Variants in ALKBH1 observed in about 807,000 individuals in gnomAD.
ALKBH1 encodes alkB homolog 1, histone H2A dioxygenase.
Under a neutral mutation model 36.6 loss-of-function variants are expected in ALKBH1, and 31 were observed. The observed-to-expected ratio is 0.85, with a 90% confidence interval of 0.64 to 1.14. The LOEUF (loss-of-function observed/expected upper bound fraction) is 1.14, where lower values mean the gene tolerates loss of function less well. ALKBH1 is among the 50% of genes most tolerant of loss of function. ALKBH1 has a pLI of 0.00. For missense variants in ALKBH1, 490 were observed against 497.3 expected (o/e 0.99, Z 0.14); for synonymous variants, 183 against 186.6 (o/e 0.98, Z 0.16).
chr14:77,676,621 A>G (rs4903628), intron 4 of ALKBH1, among the ~76,000 whole-genome samples: 18,762 of 152,232 alleles, frequency 0.12, 1,495 homozygotes, highest in African/African-American at 0.22. Flanking sequence ...TACAAATGCT[A>G]TTACAGTAAT....
At chr14:77,675,270 T>TA (rs199714479) in intron 5 of ALKBH1, among the ~76,000 whole-genome samples, 316 of 140,852 alleles carry the variant, frequency 2.2e-3, no homozygotes, top group Non-Finnish European at 3.1e-3. Flanking sequence ...CCATCTCTAC[T>TA]AAAAAAAAAA....
At chr14:77,679,774 C>A in intron 4 of ALKBH1, 106 bp downstream of exon 4, 1 of 870,140 alleles carries the variant, frequency 1.1e-6, no homozygotes, top group Non-Finnish European at 1.8e-6. Flanking sequence ...GATCCTCCCA[C>A]AAATGTATAA....
intron 3 of ALKBH1, chr14:77,683,484 G>C (rs1002544945): frequency 1.4e-6 from 1 of 710,628 alleles, no homozygotes; most frequent in East Asian, 2.6e-5. Flanking sequence ...GGGGAACACT[G>C]TAGACTCTTC....
At chr14:77,687,842 A>T (rs953049798) in intron 3 of ALKBH1, among the ~76,000 whole-genome samples, 1 of 152,132 alleles carries the variant, frequency 6.6e-6, no homozygotes, top group Non-Finnish European at 1.5e-5. Context: ...GAAAAGTGAA[A>T]AGAAGAGAAG....
intron 3 of ALKBH1, 59 bp downstream of exon 3, chr14:77,694,679 A>T: frequency 5.1e-6 from 7 of 1,359,544 alleles, no homozygotes; most frequent in Non-Finnish European, 6.7e-6. Context: ...CAGTTCCTTC[A>T]AAGACCTGTG....
chr14:77,692,616 G>A (rs1042100229), intron 3 of ALKBH1, among the ~76,000 whole-genome samples: 11 of 152,036 alleles, frequency 7.2e-5, no homozygotes, highest in Non-Finnish European at 1.2e-4. Context: ...GGACCCCCCT[G>A]CTCTACATCA....
rs200834921 is a variant in ALKBH1, at chr14:77,704,449, G to C, written c.212C>G (p.Ser71Cys). Reference sequence around the variant, plus strand: ...TCTATATGCATTCTGCTCACTGACAGAAGACACATTTAGCTGAGATTTGAT... The same window carrying C: ...TCTATATGCATTCTGCTCACTGACACAAGACACATTTAGCTGAGATTTGAT... ...KVIKSQLNVS[S>C]VSEQNAYRAG... Residue 71 changes from serine to cysteine, a missense_variant, in exon 2 of 6, where the codon TCT (serine) becomes TGT (cysteine). Ser to Cys is a moderately radical substitution (Grantham distance 112, BLOSUM62 -1). Transcript: ENST00000216489. The C allele has an allele frequency of 3.9e-5, 63 of 1,614,122 alleles. No individual in the cohort carries two copies. In the East Asian group the frequency reaches 1.2e-3, roughly 30 times the overall value.
At chr14:77,697,553 A>T (rs550118243) in intron 2 of ALKBH1, among the ~76,000 whole-genome samples, 167 of 152,192 alleles carry the variant, frequency 1.1e-3, no homozygotes, top group Middle Eastern at 3.4e-3. Flanking sequence ...CTCCAGTCTT[A>T]ATCTCCAGCA....
chr14:77,677,188 T>C (rs2080210993), intron 4 of ALKBH1, among the ~76,000 whole-genome samples: 1 of 152,090 alleles, frequency 6.6e-6, no homozygotes. Context: ...TACAGGTGCC[T>C]GCCACCATGC....
intron 4 of ALKBH1, among the ~76,000 whole-genome samples, chr14:77,677,899 T>C (rs1595047266): frequency 6.6e-6 from 1 of 152,108 alleles, no homozygotes; most frequent in East Asian, 1.9e-4. Context: ...ATAATCACCC[T>C]TTTGGGCTTT....
intron 2 of ALKBH1, among the ~76,000 whole-genome samples, chr14:77,702,278 G>A (rs937108459): frequency 3.9e-5 from 6 of 152,134 alleles, no homozygotes; most frequent in African/African-American, 1.2e-4. Flanking sequence ...TCCAGCCTAG[G>A]CGACAGAGCA....
chr14:77,684,411 G>T (rs540584579), intron 3 of ALKBH1, among the ~76,000 whole-genome samples: 5 of 151,946 alleles, frequency 3.3e-5, no homozygotes, highest in African/African-American at 1.2e-4. Context: ...GCCCAAGCTG[G>T]AGTGCAATGG....
intron 3 of ALKBH1, among the ~76,000 whole-genome samples, chr14:77,693,360 C>T (rs1201684724): frequency 6.6e-6 from 1 of 152,046 alleles, no homozygotes; most frequent in Non-Finnish European, 1.5e-5. Flanking sequence ...CAAATTGTAT[C>T]TAATTATCTG....
rs141673795 is a variant in ALKBH1 at position 77,678,412 on chromosome 14, G to C, written c.546+1468C>G. Among the ~76,000 whole-genome samples, 1,151 of 152,264 alleles carry C rather than the reference G, an allele frequency of 7.6e-3. 15 individuals are homozygous for C. The highest frequency in any genetic ancestry group is 0.026 in the African/African-American group (1,085 of 41,542). On this transcript the variant is annotated intron_variant, in intron 4 of 5. Coordinates refer to ENST00000216489, the MANE Select transcript of ALKBH1 (RefSeq NM_006020.3). ...TTAATGTATCTAAGTTGGGTTGGCTGAAACTGTGGAGCTTTTAGAAAGTAA... is the reference window on the plus strand; with the variant it reads ...TTAATGTATCTAAGTTGGGTTGGCTCAAACTGTGGAGCTTTTAGAAAGTAA...
At chr14:77,680,837 G>A (rs1252779864) in intron 3 of ALKBH1, among the ~76,000 whole-genome samples, 3 of 152,000 alleles carry the variant, frequency 2.0e-5, no homozygotes, top group South Asian at 2.1e-4. Context: ...GCACCACTAC[G>A]CCCAGCTAAT....
chr14:77,698,535 T>C (rs917225337), intron 2 of ALKBH1, among the ~76,000 whole-genome samples: 3 of 152,220 alleles, frequency 2.0e-5, no homozygotes, highest in South Asian at 2.1e-4. Context: ...CAAGCAATGA[T>C]ATAAAAGCCA....
chr14:77,702,079 A>T (rs1276340741), intron 2 of ALKBH1, among the ~76,000 whole-genome samples: 2 of 152,140 alleles, frequency 1.3e-5, no homozygotes, highest in African/African-American at 4.8e-5. Context: ...CAGGTGGATC[A>T]CCTGAGGTCA....
intron 2 of ALKBH1, among the ~76,000 whole-genome samples, chr14:77,703,600 T>A (rs1423064359): frequency 3.9e-5 from 4 of 103,790 alleles, no homozygotes; most frequent in South Asian, 5.8e-4. Context: ...CAGCTTTTTT[T>A]TTTTTTTTTT....
intron 3 of ALKBH1, among the ~76,000 whole-genome samples, chr14:77,682,583 A>G (rs1326361118): frequency 6.6e-6 from 1 of 152,098 alleles, no homozygotes; most frequent in South Asian, 2.1e-4. Context: ...GAGGAGGGGG[A>G]AAAGAGAGAT....
Sources: allele counts gnomAD v4.1 joint callset (sites outside exome capture counted in the v4.1 genomes callset), GRCh38; gene constraint gnomAD v4.1.1; transcripts MANE v1.5; gene names NCBI Gene and HGNC (gene_info 2026-07-23, HGNC 2026-07-21).